The following VPS13C variants were observed in gnomAD, a reference collection of about 807,000 sequenced individuals.
VPS13C encodes intermembrane lipid transfer protein VPS13C.
VPS13C carries 358 observed loss-of-function variants against 456.8 expected under a neutral mutation model. That is an observed-to-expected ratio of 0.78 (90% CI 0.72 to 0.86). The LOEUF is 0.86. VPS13C is among the 40% of genes least tolerant of loss of function. The pLI is 0.00. For missense variants in VPS13C, 4,818 were observed against 4,385.4 expected (o/e 1.10, Z -2.79); for synonymous variants, 1,578 against 1,486.7 (o/e 1.06, Z -1.41).
At chr15:62,039,463 A>G (rs1417499897) in intron 3 of VPS13C, among the ~76,000 whole-genome samples, 1 of 152,140 alleles carries the variant, frequency 6.6e-6, no homozygotes, top group Non-Finnish European at 1.5e-5. Flanking sequence ...CAAGTAAGAG[A>G]TAAGGAATTA....
Position 61,869,487 on chromosome 15 carries a change from T to C in VPS13C, c.10748+13A>G. 46 of 1,614,010 alleles carry C rather than the reference T, an allele frequency of 2.9e-5. No individual in the cohort carries two copies. Among genetic ancestry groups the C allele is most frequent in the Non-Finnish European group, 3.8e-5 (45 of 1,179,912 alleles). On this transcript the variant is annotated intron_variant, in intron 80 of 84. Transcript: ENST00000644861. ...ACAGACACATACCTTGCACATAGTA[T>C]GTACTCAATTACCTCTGAATGCCTT...
At chr15:62,009,887 T>G (rs1313332499) in intron 13 of VPS13C, among the ~76,000 whole-genome samples, 1 of 152,072 alleles carries the variant, frequency 6.6e-6, no homozygotes, top group Non-Finnish European at 1.5e-5. Flanking sequence ...GAAAAACACA[T>G]TAAAATCTTC....
intron 14 of VPS13C, among the ~76,000 whole-genome samples, chr15:62,008,414 T>C (rs982640545): frequency 2.0e-5 from 3 of 151,834 alleles, no homozygotes; most frequent in Non-Finnish European, 4.4e-5. Flanking sequence ...AAAAAAGAAT[T>C]TGGGAACCTA....
At chr15:61,878,452 C>A (rs1014604683) in intron 74 of VPS13C, among the ~76,000 whole-genome samples, 155 bp downstream of exon 74, 25 of 151,596 alleles carry the variant, frequency 1.6e-4, no homozygotes, top group Non-Finnish European at 2.8e-4. Context: ...ATAAGCATTC[C>A]TAAAGAGTAT....
intron 78 of VPS13C, 108 bp from the exon 79 acceptor site, chr15:61,872,142 A>T: frequency 2.3e-6 from 2 of 863,400 alleles, no homozygotes; most frequent in Non-Finnish European, 3.6e-6. Context: ...CAACAACAAC[A>T]AAAATTGAAG....
chr15:61,902,966 A>C (rs1217619163), intron 66 of VPS13C, among the ~76,000 whole-genome samples: 1 of 151,740 alleles, frequency 6.6e-6, no homozygotes, highest in Non-Finnish European at 1.5e-5. Flanking sequence ...ACACACATTA[A>C]AAAAAAAGAA....
At chr15:61,866,895 A>C (rs1159254174) in intron 81 of VPS13C, 8 of 983,140 alleles carry the variant, frequency 8.1e-6, no homozygotes, top group Non-Finnish European at 9.7e-6. Flanking sequence ...AACACATTAA[A>C]TCTAAGTTTA....
chr15:62,044,810 C>A (rs748074415), intron 1 of VPS13C, among the ~76,000 whole-genome samples: 1 of 152,036 alleles, frequency 6.6e-6, no homozygotes, highest in Non-Finnish European at 1.5e-5. Flanking sequence ...TATTACATGA[C>A]TCAAATCTTA....
At chr15:62,037,253 TTATATATATTATATTATATAATATATTA>T (rs1196168218) in intron 3 of VPS13C, among the ~76,000 whole-genome samples, 2 of 21,756 alleles carry the variant, frequency 9.2e-5, no homozygotes, top group East Asian at 2.4e-3. Flanking sequence ...TATAATATAT[TTATATATATTATATTATATAATATATTA>T]TATATATTAT....
chr15:62,016,347 G>A (rs1432081451), intron 9 of VPS13C, among the ~76,000 whole-genome samples: 1 of 151,790 alleles, frequency 6.6e-6, no homozygotes, highest in East Asian at 1.9e-4. Context: ...ATGTATACAT[G>A]TGCCATGCTG....
intron 3 of VPS13C, among the ~76,000 whole-genome samples, chr15:62,035,482 T>C (rs1388684923): frequency 6.6e-6 from 1 of 151,974 alleles, no homozygotes; most frequent in Non-Finnish European, 1.5e-5. Flanking sequence ...AGTCTTAATA[T>C]TGCACATGCT....
intron 42 of VPS13C, among the ~76,000 whole-genome samples, chr15:61,947,951 C>T (rs2044662108): frequency 1.3e-5 from 2 of 152,140 alleles, no homozygotes; most frequent in Admixed American, 1.3e-4. Context: ...GCCCTAAATC[C>T]ACTTTAGTCC....
chr15:62,020,731 T>C (rs113478571), intron 8 of VPS13C, among the ~76,000 whole-genome samples, 193 bp from the exon 9 acceptor site: 2 of 152,146 alleles, frequency 1.3e-5, no homozygotes, highest in South Asian at 2.1e-4. Flanking sequence ...AACATTTCTA[T>C]GCTACCAATA....
chr15:61,968,150 C>A (rs1209878379), intron 28 of VPS13C, among the ~76,000 whole-genome samples: 1 of 151,824 alleles, frequency 6.6e-6, no homozygotes, highest in Non-Finnish European at 1.5e-5. Flanking sequence ...TATTTTTCTT[C>A]TAAATTGAGA....
Position 61,867,789 on chromosome 15 carries a change from T to C in VPS13C, c.10863+870A>G, listed in dbSNP as rs1289064753. 6 of 1,506,272 alleles carry C rather than the reference T, an allele frequency of 4.0e-6. No individual in the cohort carries two copies. The East Asian group carries it at 1.3e-4, about 32-fold the overall frequency. 93.3% of individuals were successfully genotyped at this position (1,506,272 alleles called of 1,614,324 possible). ...TTATTTGTAGTCAATCCCACTACTA[T>C]GAAAAGTTCAGATGGAGGTGAGAGT... On this transcript the variant is annotated intron_variant, in intron 81 of 84. Coordinates refer to ENST00000644861, the MANE Select transcript of VPS13C (RefSeq NM_020821.3). The surrounding 1 kb of genome is among the most constrained non-coding windows in gnomAD (Gnocchi z 5.0).
chr15:61,982,111 T>C (rs1292600300), intron 21 of VPS13C, among the ~76,000 whole-genome samples: 2 of 152,208 alleles, frequency 1.3e-5, no homozygotes, highest in Admixed American at 6.5e-5. Context: ...TTAGAGGTCA[T>C]GTTATACAAA....
intron 8 of VPS13C, among the ~76,000 whole-genome samples, 178 bp from the exon 9 acceptor site, chr15:62,020,716 G>C (rs144579997): frequency 2.0e-3 from 302 of 152,094 alleles, no homozygotes; most frequent in African/African-American, 6.8e-3. Flanking sequence ...ATATTTTGTA[G>C]ACATAACATT....
chr15:61,857,834 G>A (rs902750678), intron 82 of VPS13C, among the ~76,000 whole-genome samples: 6 of 152,176 alleles, frequency 3.9e-5, no homozygotes, highest in Non-Finnish European at 8.8e-5. Context: ...GAATGAACAT[G>A]GTGACCAATG....
At position 61,882,820 on chromosome 15, in the gene VPS13C, T is replaced by C. The variant is rs12912348; in HGVS notation, c.9484-84A>G. 0.26 allele frequency: 357,373 copies of C among 1,375,736 alleles called. 49,281 individuals carry two copies. Among genetic ancestry groups the C allele is most frequent in the Non-Finnish European group, 0.28 (294,689 of 1,045,718 alleles). The allele number at this position is 1,375,736 out of a possible 1,614,324, so 85.2% of individuals were successfully genotyped here. A position where few individuals can be genotyped will look rare whatever the true frequency, so the allele number is the denominator to read the frequency against. On this transcript the variant is annotated intron_variant, in intron 68 of 84. Transcript: ENST00000644861. ...TTTTAATATCTGTTTATTGATCAAATTGAAAAAATCTTTATCTTTATGTCT... is the reference window on the plus strand; with the variant it reads ...TTTTAATATCTGTTTATTGATCAAACTGAAAAAATCTTTATCTTTATGTCT...
Sources: gnomAD v4.1 joint callset for allele counts (sites outside exome capture counted in the v4.1 genomes callset) on GRCh38, gnomAD v4.1.1 for gene constraint, Gnocchi (gnomAD v3.1) non-coding constraint, MANE v1.5 for transcripts, NCBI Gene and HGNC (gene_info 2026-07-23, HGNC 2026-07-21) for gene names.